Variants in MAST3 observed in about 807,000 individuals in gnomAD.
The protein encoded by MAST3 is microtubule associated serine/threonine kinase 3, also known as microtubule-associated serine/threonine-protein kinase 3.
In MAST3, 43 loss-of-function variants were observed where a neutral mutation model predicts 127.0. That is an observed-to-expected ratio of 0.34 (90% CI 0.27 to 0.44). MAST3 has a LOEUF of 0.44. Ranked by LOEUF, MAST3 falls within the 20% of genes least tolerant of loss-of-function variation. MAST3 has a pLI of 1.00. For missense variants in MAST3, 1,390 were observed against 1,919.1 expected (o/e 0.72, Z 5.15); for synonymous variants, 785 against 809.2 (o/e 0.97, Z 0.51).
chr19:18,107,706 A>G, intron 2 of MAST3, 88 bp downstream of exon 2: 1 of 1,311,294 alleles, frequency 7.6e-7, no homozygotes, highest in Non-Finnish European at 1.1e-6. Context: ...TTGTGAATGT[A>G]TTTAATAATT....
In MAST3 at chr19:18,139,137, C is replaced by G. The variant is rs2042183369; in HGVS notation, c.2205+13C>G. The G allele has an allele frequency of 3.8e-6, 6 of 1,559,440 alleles. No homozygotes were observed. The Admixed American group carries it at 1.1e-4, about 28-fold the overall frequency. On this transcript the variant is annotated intron_variant, in intron 20 of 27. Coordinates refer to ENST00000687212, the MANE Select transcript of MAST3 (RefSeq NM_001393504.1). ...CCGGTTCAGCAAGGTGGGCCCGGGT[C>G]CCGAGGGGAGCCACTGCTCAGAAAA... is the stretch of plus-strand genomic sequence containing the variant.
intron 20 of MAST3, among the ~76,000 whole-genome samples, chr19:18,140,761 C>T (rs2042384245): frequency 6.6e-6 from 1 of 152,090 alleles, no homozygotes; most frequent in South Asian, 2.1e-4. Context: ...TCTATTCCAC[C>T]TTGTGAATAC....
chr19:18,133,782 G>A (rs1197275535), intron 15 of MAST3, among the ~76,000 whole-genome samples: 1 of 151,970 alleles, frequency 6.6e-6, no homozygotes, highest in African/African-American at 2.4e-5. Context: ...TTGAACTCCC[G>A]ACCTCAGGTG....
At chr19:18,117,010 C>G (rs944692422) in intron 3 of MAST3, among the ~76,000 whole-genome samples, 1 of 150,580 alleles carries the variant, frequency 6.6e-6, no homozygotes, top group Non-Finnish European at 1.5e-5. Flanking sequence ...GAAGGGGCAT[C>G]CCTCATGATG....
chr19:18,102,723 G>A (rs1008921108), intron 1 of MAST3, among the ~76,000 whole-genome samples: 62 of 152,024 alleles, frequency 4.1e-4, no homozygotes, highest in Non-Finnish European at 6.8e-4. Flanking sequence ...CTTGTGATCC[G>A]CCCACCTTGG....
chr19:18,143,288 A>C (rs1188696363), intron 21 of MAST3, among the ~76,000 whole-genome samples: 2 of 152,000 alleles, frequency 1.3e-5, no homozygotes, highest in East Asian at 3.9e-4. Flanking sequence ...TAAAAGTTGA[A>C]TAGGAAGCCG....
intron 11 of MAST3, among the ~76,000 whole-genome samples, 158 bp from the exon 12 acceptor site, chr19:18,128,242 C>A (rs1055886255): frequency 6.6e-6 from 1 of 152,190 alleles, no homozygotes; most frequent in Non-Finnish European, 1.5e-5. Flanking sequence ...CTTCATCCAG[C>A]CTCCCGGATG....
At chr19:18,130,785 A>G (rs1203851548) in intron 14 of MAST3, 83 bp downstream of exon 14, 14 of 1,366,998 alleles carry the variant, frequency 1.0e-5, no homozygotes, top group Non-Finnish European at 1.4e-5. Context: ...GACCAAGTTG[A>G]GGTCTGTTCT....
chr19:18,143,139 A>G (rs2042689393), intron 21 of MAST3, among the ~76,000 whole-genome samples: 1 of 151,764 alleles, frequency 6.6e-6, no homozygotes, highest in Admixed American at 6.6e-5. Context: ...CAAAAAACAA[A>G]AAATTGCAGA....
At position 18,130,593 on chromosome 19, in the gene MAST3, C is replaced by T. The variant is rs1258644997; in HGVS notation, c.1323C>T (p.Val441=). Residue 441 remains valine (V), a synonymous_variant, in exon 14 of 28, where the codon GTC becomes GTT. Coordinates refer to ENST00000687212, the MANE Select transcript of MAST3 (RefSeq NM_001393504.1). ...TCCTGCGTAACCAGATCCAGCAGGT[C>T]TTTGTGGAGCGTGACATTCTCACCT... The part of the protein sequence containing the change: ...NLILRNQIQQ[V]FVERDILTFA... The T allele has an allele frequency of 6.2e-6, 10 of 1,613,718 alleles. No homozygotes were observed. The highest frequency in any genetic ancestry group is 8.5e-6 in the Non-Finnish European group (10 of 1,179,824).
rs771354602 is a variant in MAST3, at chr19:18,147,523, A to G, written c.3407A>G (p.His1136Arg). Residue 1136 changes from histidine to arginine, a missense_variant, in exon 27 of 28, where the codon CAC becomes CGC. This residue lies in a region of MAST3 where 816 missense variants were observed against 934.1 expected (regional missense o/e 0.87). Transcript: ENST00000687212. ...CGCAGCTTCTCCTCCGGACTCCACCACTCACTGTCATCCAGTGAGAGCCTC... is the reference window on the plus strand; with the variant it reads ...CGCAGCTTCTCCTCCGGACTCCACCGCTCACTGTCATCCAGTGAGAGCCTC... ...TSRSFSSGLHHSLSSSESLPG... is the reference protein window; with the variant it reads ...TSRSFSSGLHRSLSSSESLPG... 5 of 1,610,528 alleles carry G rather than the reference A, an allele frequency of 3.1e-6. No homozygotes were observed. The South Asian group carries it at 3.3e-5, about 11-fold the overall frequency.
intron 3 of MAST3, among the ~76,000 whole-genome samples, chr19:18,116,150 T>G (rs1339126027): frequency 2.1e-5 from 3 of 140,868 alleles, no homozygotes; most frequent in East Asian, 4.2e-4. Flanking sequence ...CTGGAGTGCA[T>G]TGGTGTGATC....
chr19:18,103,785 G>C (rs191934213), intron 1 of MAST3, among the ~76,000 whole-genome samples: 12 of 152,136 alleles, frequency 7.9e-5, no homozygotes, highest in Non-Finnish European at 1.5e-4. Flanking sequence ...GTGCAGGAGT[G>C]GGGGAGCCAG....
In MAST3 at chr19:18,146,946, C is replaced by T. The variant is rs758324351; in HGVS notation, c.3228C>T (p.Ala1076=). Reference sequence around the variant, plus strand: ...ACACCTCCATCAAGGTGGGCCCCGCCCGGAAGAATGTGGCCAAGGGCCGCA... The same window carrying T: ...ACACCTCCATCAAGGTGGGCCCCGCTCGGAAGAATGTGGCCAAGGGCCGCA... ...LENTSIKVGP[A]RKNVAKGRMA... is the part of the protein sequence containing the mutation. The change falls in exon 26 of 28, where the codon GCC becomes GCT. Residue 1076 remains alanine, a synonymous_variant. Coordinates refer to ENST00000687212, the MANE Select transcript of MAST3 (RefSeq NM_001393504.1). 56 of 1,559,942 alleles carry T rather than the reference C, an allele frequency of 3.6e-5. No individual in the cohort carries two copies. In the Middle Eastern group the frequency reaches 8.4e-4, roughly 23 times the overall value.
In MAST3 at chr19:18,131,670, G is replaced by A. The variant is rs1222970169; in HGVS notation, c.1433-239G>A. ...GCCGAGATCGCGCCACTGCACTCCA[G>A]CCTGGCGACAGAGCGAGACTCTCTC... On this transcript the variant is annotated intron_variant, in intron 14 of 27. Transcript: ENST00000687212. 4.6e-5 allele frequency among the ~76,000 whole-genome samples: 7 copies of A among 151,428 alleles called. 1 individual carries two copies. Among genetic ancestry groups the A allele is most frequent in the Admixed American group, 4.6e-4 (7 of 15,204 alleles).
At chr19:18,107,179 G>T (rs1398676921) in intron 1 of MAST3, among the ~76,000 whole-genome samples, 7 of 151,694 alleles carry the variant, frequency 4.6e-5, no homozygotes, top group African/African-American at 1.5e-4. Context: ...GCCCAATCTG[G>T]CTTAAACTTC....
chr19:18,131,918 G>T lies in MAST3; in HGVS notation c.1442G>T (p.Cys481Phe). 6.3e-7 allele frequency: 1 copy of T among 1,595,118 alleles called. No homozygotes were observed. The change falls in exon 15 of 28, where the codon TGC becomes TTC. Residue 481 changes from cysteine (C) to phenylalanine (F), a missense_variant. By Grantham distance (205) the Cys-to-Phe change is radical. Transcript: ENST00000687212. ...TCCGCCCTTCTCCCAGGCGGCGACT[G>T]CGCCACGCTCCTGAAGAACATGGGC... ...MVMEYVEGGD[C>F]ATLLKNMGPL...
chr19:18,135,452 G>A (rs576554217), intron 17 of MAST3, among the ~76,000 whole-genome samples: 3 of 152,140 alleles, frequency 2.0e-5, no homozygotes, highest in South Asian at 2.1e-4. Flanking sequence ...GTGACAGAGC[G>A]AGACTCCATC....
At chr19:18,122,364 T>C (rs1426342952) in intron 5 of MAST3, among the ~76,000 whole-genome samples, 1 of 151,930 alleles carries the variant, frequency 6.6e-6, no homozygotes, top group African/African-American at 2.4e-5. Flanking sequence ...CAGCTGGCCC[T>C]GAGCCCCTGG....
Sources: gnomAD v4.1 joint callset for allele counts (sites outside exome capture counted in the v4.1 genomes callset) on GRCh38, gnomAD v4.1.1 for gene constraint, gnomAD v4.1.1 regional missense constraint, MANE v1.5 for transcripts, NCBI Gene and HGNC (gene_info 2026-07-23, HGNC 2026-07-21) for gene names.